Variants in AGO2 observed in about 807,000 individuals in gnomAD.
AGO2 encodes the protein protein argonaute-2.
In AGO2, 5 loss-of-function variants were observed where a neutral mutation model predicts 102.3. The observed-to-expected ratio is 0.05, with a 90% CI of 0.03 to 0.10. AGO2 has a LOEUF of 0.10. AGO2 is among the 10% of genes least tolerant of loss of function. The probability of loss-of-function intolerance (pLI) is 1.00; values close to 1 mark genes in which losing one functional copy is unlikely to be tolerated. For missense variants in AGO2, 541 were observed against 1,183.7 expected, an observed-to-expected ratio of 0.46 and a Z score of 7.97; for synonymous variants, 449 against 473.1, an observed-to-expected ratio of 0.95 and a Z score of 0.66.
chr8:140,636,000 C>G (rs2074404826), upstream of AGO2, among the ~76,000 whole-genome samples: 1 of 150,436 alleles, frequency 6.6e-6, no homozygotes, highest in African/African-American at 2.4e-5. Flanking sequence ...CGGGGAGGAG[C>G]CGGGCCCCCC....
intron 13 of AGO2, among the ~76,000 whole-genome samples, chr8:140,544,943 C>A (rs1027188624): frequency 6.6e-6 from 1 of 152,174 alleles, no homozygotes; most frequent in Non-Finnish European, 1.5e-5. Context: ...CGGGGAAAGG[C>A]GGAGGTGGTG....
At chr8:140,536,524 A>G (rs11774884) in intron 16 of AGO2, among the ~76,000 whole-genome samples, 32,076 of 151,874 alleles carry the variant, frequency 0.21, 4,153 homozygotes, top group East Asian at 0.31. Context: ...ACGGGGTTTC[A>G]CTATGTTGGT....
rs1491554127 is a variant in AGO2, at chr8:140,552,729, C to CGT, written c.1270-1294_1270-1293insAC. Reference sequence around the variant, plus strand: ...ATGCACATGAACACACGCACATGCACGCGCGCGCGCGCACACACACACACA... The same window carrying CGT: ...ATGCACATGAACACACGCACATGCACGTGCGCGCGCGCGCACACACACACACA... On this transcript the variant is annotated intron_variant, in intron 10 of 18. Coordinates refer to ENST00000220592, the MANE Select transcript of AGO2 (RefSeq NM_012154.5). Among the ~76,000 whole-genome samples the CGT allele has an allele frequency of 3.2e-3, 239 of 74,466 alleles. 2 individuals are homozygous for CGT. The highest frequency in any genetic ancestry group is 0.011 in the African/African-American group (228 of 20,070). 48.9% of individuals were successfully genotyped at this position (74,466 alleles called of 152,430 possible). A position where few individuals can be genotyped will look rare whatever the true frequency, so the allele number is the denominator to read the frequency against.
In AGO2 at chr8:140,584,849, C is replaced by T. The variant is rs183267641; in HGVS notation, c.215+270G>A. On this transcript the variant is annotated intron_variant, in intron 2 of 18. Transcript: ENST00000220592. ...TAGGGTGATCAGTATATACATTTGT[C>T]GAAATTCTTCCAGTTGTGCATTTAC... 8.9e-4 allele frequency among the ~76,000 whole-genome samples: 135 copies of T among 152,058 alleles called. 1 individual carries two copies. The East Asian group carries it at 0.024, about 27-fold the overall frequency.
At position 140,557,437 on chromosome 8, in the gene AGO2, G is replaced by A. The variant is rs779001070; in HGVS notation, c.879-201C>T. ...AAATTCTCATTTTGTTTCTGGAGTTGGGAAACAAAAAATACCTACATGCAT... is the reference window on the plus strand; with the variant it reads ...AAATTCTCATTTTGTTTCTGGAGTTAGGAAACAAAAAATACCTACATGCAT... On this transcript the variant is annotated intron_variant, in intron 7 of 18. Transcript: ENST00000220592. This position sits in a 1 kb window ranked among gnomAD's most constrained non-coding sequence, Gnocchi z 5.9. Among the ~76,000 whole-genome samples, 6 of 152,070 alleles carry A rather than the reference G, an allele frequency of 3.9e-5. No homozygotes were observed. The highest frequency in any genetic ancestry group is 6.6e-5 in the Admixed American group (1 of 15,266).
chr8:140,565,625 G>T (rs1458023223), intron 3 of AGO2, among the ~76,000 whole-genome samples: 2 of 149,988 alleles, frequency 1.3e-5, no homozygotes, highest in South Asian at 2.1e-4. Flanking sequence ...CTGGGGATCA[G>T]AGTGAGACTC....
chr8:140,635,582 AG>A lies in AGO2; in HGVS notation c.-77del. 1.1e-6 allele frequency: 1 copy of A among 942,208 alleles called. No individual in the cohort carries two copies. Among genetic ancestry groups the A allele is most frequent in the African/African-American group, 1.8e-5 (1 of 55,224 alleles). The allele number at this position is 942,208 out of a possible 1,614,324, so 58.4% of individuals were successfully genotyped here. On this transcript the variant is annotated 5_prime_UTR_variant, in exon 1 of 19. Transcript: ENST00000220592. Reference sequence around the variant, plus strand: ...ACGGGCCCCGACGCCGCGAGCCGCGAGGGAGCCGCCGGCCGCACGATCCGCC... The same window carrying A: ...ACGGGCCCCGACGCCGCGAGCCGCGAGGAGCCGCCGGCCGCACGATCCGCC...
chr8:140,625,834 C>T (rs534487314), intron 1 of AGO2, among the ~76,000 whole-genome samples: 8 of 152,208 alleles, frequency 5.3e-5, no homozygotes, highest in Non-Finnish European at 7.3e-5. Context: ...GGACCACCCC[C>T]CAAAAAGCTT....
In AGO2 at chr8:140,589,541, C is replaced by G. The variant is rs1399370078; in HGVS notation, c.23-4230G>C. On this transcript the variant is annotated intron_variant, in intron 1 of 18. Coordinates refer to ENST00000220592, the MANE Select transcript of AGO2 (RefSeq NM_012154.5). The surrounding 1 kb of genome is among the most constrained non-coding windows in gnomAD (Gnocchi z 4.2). ...TCTGCCACCCAAATGACATGCAAAG[C>G]TGTTTCCAGAGCTCCAAAGTGAGTC... 2.6e-5 allele frequency among the ~76,000 whole-genome samples: 4 copies of G among 152,194 alleles called. No homozygotes were observed. The East Asian group carries it at 7.7e-4, about 29-fold the overall frequency.
chr8:140,594,846 T>C (rs1693381563), intron 1 of AGO2, among the ~76,000 whole-genome samples: 2 of 151,970 alleles, frequency 1.3e-5, no homozygotes, highest in African/African-American at 4.8e-5. Flanking sequence ...TGTGTGTGTG[T>C]GTGTGTGTAT....
At position 140,530,558 on chromosome 8, in the gene AGO2, T is replaced by C. The variant is rs2072575452; in HGVS notation, c.*1486A>G. 1 of 152,296 alleles carries C rather than the reference T, an allele frequency of 6.6e-6. No individual in the cohort carries two copies. The highest frequency in any genetic ancestry group is 1.5e-5 in the Non-Finnish European group (1 of 68,066). 9.4% of individuals were successfully genotyped at this position (152,296 alleles called of 1,614,324 possible). On this transcript the variant is annotated 3_prime_UTR_variant, in exon 19 of 19. Coordinates refer to ENST00000220592, the MANE Select transcript of AGO2 (RefSeq NM_012154.5). ...CAGCACAAACAGAGTTGTCTGTTGTTAGCCTTCAAAATCGTCCGTGGTGTC... is the reference window on the plus strand; with the variant it reads ...CAGCACAAACAGAGTTGTCTGTTGTCAGCCTTCAAAATCGTCCGTGGTGTC...
chr8:140,561,398 C>T (rs2073199560), intron 4 of AGO2, among the ~76,000 whole-genome samples: 1 of 152,216 alleles, frequency 6.6e-6, no homozygotes, highest in Non-Finnish European at 1.5e-5. Context: ...CAGCAGTTTC[C>T]TCCCTGATTA....
chr8:140,560,587 G>T, intron 4 of AGO2, 77 bp from the exon 5 acceptor site: 1 of 1,529,532 alleles, frequency 6.5e-7, no homozygotes, highest in Non-Finnish European at 8.9e-7. Flanking sequence ...GGTGGGCTTC[G>T]CCTGCGCCCA....
intron 1 of AGO2, among the ~76,000 whole-genome samples, chr8:140,621,852 C>T (rs1002196493): frequency 6.6e-5 from 10 of 152,234 alleles, no homozygotes; most frequent in Non-Finnish European, 1.0e-4. Context: ...GGAATGGAAA[C>T]GGTGCAGCCA....
chr8:140,635,351 C>T lies in AGO2; in HGVS notation c.22+134G>A, dbSNP rs1312650473. ...CGAGCCCCCAAGCGCGGCCCCGGCT[C>T]GCCCGCCCCCGGCCCCCGCCGCCCC... On this transcript the variant is annotated intron_variant, in intron 1 of 18. Coordinates refer to ENST00000220592, the MANE Select transcript of AGO2 (RefSeq NM_012154.5). 2.6e-4 allele frequency: 142 copies of T among 541,840 alleles called. 2 individuals carry two copies. In the South Asian group the frequency reaches 1.0e-2, roughly 38 times the overall value. The allele number at this position is 541,840 out of a possible 1,614,324, so 33.6% of individuals were successfully genotyped here.
In AGO2 at chr8:140,522,046, C is replaced by T. The variant is rs2072424238; in HGVS notation, c.*9998G>A. On this transcript the variant is annotated 3_prime_UTR_variant, in exon 19 of 19. Transcript: ENST00000220592. Reference sequence around the variant, plus strand: ...CAGGGGGGCAGTCGGGATTATAATACACTGTAGCAGTTGGCTGGGGAAAAG... The same window carrying T: ...CAGGGGGGCAGTCGGGATTATAATATACTGTAGCAGTTGGCTGGGGAAAAG... 1 of 151,842 alleles carries T rather than the reference C, an allele frequency of 6.6e-6. No homozygotes were observed. Among genetic ancestry groups the T allele is most frequent in the Non-Finnish European group, 1.5e-5 (1 of 67,998 alleles). The allele number at this position is 151,842 out of a possible 1,614,324, so 9.4% of individuals were successfully genotyped here. A position where few individuals can be genotyped will look rare whatever the true frequency, so the allele number is the denominator to read the frequency against.
chr8:140,581,068 G>C (rs931366114), intron 2 of AGO2, among the ~76,000 whole-genome samples: 1 of 152,216 alleles, frequency 6.6e-6, no homozygotes, highest in African/African-American at 2.4e-5. Context: ...TACTGTGGTC[G>C]ATGGCCTAAG....
In AGO2 at chr8:140,520,477, AC is replaced by A. The variant is rs1342616740; in HGVS notation, c.*11566del. The A allele has an allele frequency of 6.6e-6, 1 of 152,218 alleles. No individual in the cohort carries two copies. Among genetic ancestry groups the A allele is most frequent in the Non-Finnish European group, 1.5e-5 (1 of 68,044 alleles). 9.4% of individuals were successfully genotyped at this position (152,218 alleles called of 1,614,324 possible). On this transcript the variant is annotated 3_prime_UTR_variant, in exon 19 of 19. Transcript: ENST00000220592. ...AAGGACCCAGCTAAGCTTAAACACGACAATAGATGCTCAGTTTCTCAGCATT... is the reference window on the plus strand; with the variant it reads ...AAGGACCCAGCTAAGCTTAAACACGAAATAGATGCTCAGTTTCTCAGCATT...
At position 140,568,287 on chromosome 8, in the gene AGO2, G is replaced by GAAAAAA. The variant is rs4058201; in HGVS notation, c.336+4519_336+4524dup. Among the ~76,000 whole-genome samples, 963 of 132,038 alleles carry GAAAAAA rather than the reference G, an allele frequency of 7.3e-3. 25 individuals are homozygous for GAAAAAA. Among genetic ancestry groups the GAAAAAA allele is most frequent in the African/African-American group, 0.025 (809 of 32,774 alleles). 86.6% of individuals were successfully genotyped at this position (132,038 alleles called of 152,430 possible). ...TGACAGAGCGAGACCATGTCTGGGGGAAAAAAAAAAAAAGAGAGAGCACAA... is the reference window on the plus strand; with the variant it reads ...TGACAGAGCGAGACCATGTCTGGGGGAAAAAAAAAAAAAAAAAAAGAGAGAGCACAA... On this transcript the variant is annotated intron_variant, in intron 3 of 18. Coordinates refer to ENST00000220592, the MANE Select transcript of AGO2 (RefSeq NM_012154.5).
Sources: gnomAD v4.1 joint callset for allele counts (sites outside exome capture counted in the v4.1 genomes callset) on GRCh38, gnomAD v4.1.1 for gene constraint, Gnocchi (gnomAD v3.1) non-coding constraint, MANE v1.5 for transcripts, NCBI Gene and HGNC (gene_info 2026-07-23, HGNC 2026-07-21) for gene names.